Variants in PRH1 observed in about 807,000 individuals in gnomAD.
The protein encoded by PRH1 is proline rich protein HaeIII subfamily 1.
PRH1 carries 7 observed loss-of-function variants against 7.9 expected under a neutral mutation model. The ratio of observed to expected loss-of-function variants is 0.89; its 90% CI spans 0.50 to 1.67. PRH1 has a LOEUF of 1.67. PRH1 is among the 40% of genes most tolerant of loss of function. The pLI, the probability that PRH1 is intolerant of heterozygous loss-of-function variation, is 0.00. For missense variants in PRH1, 109 were observed against 223.6 expected, an observed-to-expected ratio of 0.49 and a Z score of 3.27; for synonymous variants, 45 against 80.8, an observed-to-expected ratio of 0.56 and a Z score of 2.38.
intron 1 of PRH1, among the ~76,000 whole-genome samples, chr12:11,026,332 G>A (rs1392379057): frequency 1.3e-5 from 2 of 152,022 alleles, no homozygotes; most frequent in East Asian, 1.9e-4. Flanking sequence ...CCAGCCTGCA[G>A]GGGGAGTTTT....
At chr12:10,990,790 G>A (rs1301094740) in intron 1 of PRH1, among the ~76,000 whole-genome samples, 1 of 152,170 alleles carries the variant, frequency 6.6e-6, no homozygotes, top group African/African-American at 2.4e-5. Context: ...GATTCTGTAT[G>A]TTTTTGAGGG....
intron 2 of PRH1, chr12:10,909,198 T>A (rs1172657794): frequency 6.2e-7 from 1 of 1,613,830 alleles, no homozygotes; most frequent in Non-Finnish European, 8.5e-7. Flanking sequence ...ACTGACCCAG[T>A]CAATGCAGTT....
chr12:10,999,512 T>C (rs1265188974), intron 1 of PRH1, among the ~76,000 whole-genome samples: 2 of 152,142 alleles, frequency 1.3e-5, no homozygotes, highest in Non-Finnish European at 2.9e-5. Flanking sequence ...CAATTTGTAA[T>C]TTTTTAAATA....
At chr12:11,127,703 G>A (rs67092082) in intron 1 of PRH1, among the ~76,000 whole-genome samples, 1,238 of 56,348 alleles carry the variant, frequency 0.022, no homozygotes, top group Middle Eastern at 0.037. Flanking sequence ...TTTCTTACTC[G>A]GGCTTTTCAG....
intron 2 of PRH1, among the ~76,000 whole-genome samples, chr12:10,963,875 A>T (rs1189270963): frequency 2.6e-5 from 4 of 152,216 alleles, no homozygotes; most frequent in African/African-American, 9.7e-5. Context: ...ATTAAACATA[A>T]AATTAGAATT....
Position 11,045,399 on chromosome 12 carries a change from GT to G in PRH1, c.-126+1620del, listed in dbSNP as rs574513582. On this transcript the variant is annotated intron_variant, in intron 1 of 3. Coordinates refer to the PRH1 transcript ENST00000539853. Reference sequence around the variant, plus strand: ...GGTGACTATAATCAATGATAATTCAGTTGTACATTTTAAAATGACTGAAAGA... The same window carrying G: ...GGTGACTATAATCAATGATAATTCAGTGTACATTTTAAAATGACTGAAAGA... 1.3e-4 allele frequency among the ~76,000 whole-genome samples: 19 copies of G among 151,794 alleles called. No individual in the cohort carries two copies. In the East Asian group the frequency reaches 3.7e-3, roughly 29 times the overall value.
chr12:10,920,868 A>T (rs1221572207), intron 2 of PRH1, among the ~76,000 whole-genome samples: 2 of 152,112 alleles, frequency 1.3e-5, no homozygotes, highest in East Asian at 3.8e-4. Flanking sequence ...TGTTTAGTAG[A>T]CATACAAGTT....
chr12:10,919,759 AC>A (rs1297140424), intron 2 of PRH1, among the ~76,000 whole-genome samples: 1 of 151,772 alleles, frequency 6.6e-6, no homozygotes, highest in Admixed American at 6.6e-5. Flanking sequence ...GTCTCACCAG[AC>A]CTGTCTTTAG....
intron 1 of PRH1, among the ~76,000 whole-genome samples, chr12:11,012,438 G>A (rs937979378): frequency 3.3e-5 from 5 of 152,098 alleles, no homozygotes; most frequent in Non-Finnish European, 5.9e-5. Context: ...CTTATGAGGT[G>A]CTAGTATAGT....
intron 2 of PRH1, chr12:10,937,533 A>G (rs1050896605): frequency 7.2e-5 from 11 of 152,170 alleles, no homozygotes; most frequent in African/African-American, 1.2e-4. Context: ...GTTTATTGTT[A>G]AAACACTAGA....
chr12:11,033,344 G>A (rs1240826845), intron 1 of PRH1, among the ~76,000 whole-genome samples: 1 of 151,314 alleles, frequency 6.6e-6, no homozygotes, highest in African/African-American at 2.5e-5. Flanking sequence ...TCCAGCCTGG[G>A]CGACACAGCA....
At chr12:10,902,010 C>T (rs1949731183) in intron 2 of PRH1, among the ~76,000 whole-genome samples, 1 of 151,914 alleles carries the variant, frequency 6.6e-6, no homozygotes, top group African/African-American at 2.4e-5. Context: ...CAGCAATGGT[C>T]CCTAACCAAA....
chr12:11,122,608 T>G (rs76068414), intron 1 of PRH1, among the ~76,000 whole-genome samples: 7 of 151,556 alleles, frequency 4.6e-5, no homozygotes, highest in Non-Finnish European at 5.9e-5. Context: ...TGTTGAAAAA[T>G]CTGGGGTTGG....
intron 2 of PRH1, among the ~76,000 whole-genome samples, chr12:10,943,228 C>T (rs1950432122): frequency 1.3e-5 from 2 of 152,190 alleles, no homozygotes; most frequent in Admixed American, 1.3e-4. Flanking sequence ...TCCCATCCAC[C>T]ATGATGGAGC....
intron 1 of PRH1, among the ~76,000 whole-genome samples, chr12:11,024,642 AT>A (rs552159327): frequency 8.7e-5 from 13 of 149,246 alleles, no homozygotes; most frequent in Admixed American, 3.4e-4. Context: ...ACTTCTCTAT[AT>A]TTTTTTCATT....
chr12:11,105,491 C>T (rs961224668), intron 1 of PRH1, among the ~76,000 whole-genome samples: 1 of 152,164 alleles, frequency 6.6e-6, no homozygotes, highest in East Asian at 1.9e-4. Context: ...TCAATGCTGT[C>T]TTTATGGAAA....
At position 11,017,301 on chromosome 12, in the gene PRH1, G is replaced by A. The variant is rs145333846; in HGVS notation, c.-126+29719C>T. 1.1e-4 allele frequency among the ~76,000 whole-genome samples: 17 copies of A among 151,730 alleles called. No individual in the cohort carries two copies. In the East Asian group the frequency reaches 2.3e-3, roughly 21 times the overall value. ...TAATTTAATATATTAATAATGTTAC[G>A]GTAATTGGTACAATAACCAGGAAAT... On this transcript the variant is annotated intron_variant, in intron 1 of 3. Transcript: ENST00000539853.
intron 1 of PRH1, among the ~76,000 whole-genome samples, chr12:11,008,686 A>G (rs527329698): frequency 7.8e-6 from 1 of 128,586 alleles, no homozygotes; most frequent in East Asian, 2.3e-4. Context: ...AAATTTAATC[A>G]GACAGATGCA....
intron 1 of PRH1, among the ~76,000 whole-genome samples, chr12:11,162,448 G>A (rs912487373): frequency 6.6e-6 from 1 of 152,088 alleles, no homozygotes; most frequent in Admixed American, 6.5e-5. Context: ...AGACCATGAG[G>A]GACTACATTT....
Sources: allele counts gnomAD v4.1 joint callset (sites outside exome capture counted in the v4.1 genomes callset), GRCh38; gene constraint gnomAD v4.1.1; transcripts MANE v1.5; gene names NCBI Gene and HGNC (gene_info 2026-07-23, HGNC 2026-07-21).